The following KCNQ5 variants were observed in gnomAD, a reference collection of about 807,000 sequenced individuals.
The protein encoded by KCNQ5 is potassium voltage-gated channel subfamily Q member 5, also known as potassium voltage-gated channel subfamily KQT member 5.
KCNQ5 carries 30 observed loss-of-function variants against 98.2 expected under a neutral mutation model. The observed-to-expected ratio is 0.31, with a 90% confidence interval of 0.23 to 0.41. The LOEUF is 0.41. KCNQ5 is among the 10% of genes least tolerant of loss of function. The pLI is 1.00. For missense variants in KCNQ5, 835 were observed against 1,182.5 expected (o/e 0.71, Z 4.31); for synonymous variants, 458 against 449.4 (o/e 1.02, Z -0.24).
intron 1 of KCNQ5, among the ~76,000 whole-genome samples, chr6:72,951,137 G>A (rs1766782210): frequency 6.6e-6 from 1 of 152,082 alleles, no homozygotes; most frequent in Admixed American, 6.5e-5. Context: ...AACAAGTGTG[G>A]ATATTGTCCC....
intron 1 of KCNQ5, among the ~76,000 whole-genome samples, chr6:72,658,314 T>G (rs1439191171): frequency 1.3e-5 from 2 of 151,690 alleles, no homozygotes; most frequent in Non-Finnish European, 2.9e-5. Flanking sequence ...GGGGTCTTGC[T>G]CTGTCACCCA....
rs560127055 is a variant in KCNQ5 at position 73,101,321 on chromosome 6, A to T, written c.919-3936A>T. 2.8e-4 allele frequency among the ~76,000 whole-genome samples: 43 copies of T among 152,276 alleles called. 1 individual carries two copies. Among genetic ancestry groups the T allele is most frequent in the African/African-American group, 9.9e-4 (41 of 41,576 alleles). On this transcript the variant is annotated intron_variant, in intron 5 of 13. Transcript: ENST00000370398. ...AAGTGAGATTTATCTCAGGGATGCA[A>T]GGATGGTTCCTCCTATATTTAGAAC... is the stretch of plus-strand genomic sequence containing the variant.
Position 73,194,521 on chromosome 6 carries a change from G to C in KCNQ5, c.1906G>C (p.Ala636Pro), listed in dbSNP as rs774223061. The C allele has an allele frequency of 5.0e-5, 80 of 1,614,088 alleles. No homozygotes were observed. Among genetic ancestry groups the C allele is most frequent in the Non-Finnish European group, 6.7e-5 (79 of 1,180,042 alleles). The part of the protein sequence containing the change: ...IYQQVLRKGS[A>P]SALALASFQI... Reference sequence around the variant, plus strand: ...TCAACAGGTCCTTCGGAAAGGCTCTGCCTCAGCCCTCGCTTTGGCTTCATT... The same window carrying C: ...TCAACAGGTCCTTCGGAAAGGCTCTCCCTCAGCCCTCGCTTTGGCTTCATT... The change falls in exon 14 of 14, where the codon GCC becomes CCC. Residue 636 changes from alanine (A) to proline (P), a missense_variant. This residue lies in a region of KCNQ5 where 416 missense variants were observed against 446.9 expected (regional missense o/e 0.93). Transcript: ENST00000370398.
At chr6:73,104,413 C>A (rs1370426691) in intron 5 of KCNQ5, among the ~76,000 whole-genome samples, 1 of 152,140 alleles carries the variant, frequency 6.6e-6, no homozygotes, top group African/African-American at 2.4e-5. Flanking sequence ...GACCTGTACA[C>A]AGTAGTCTAT....
chr6:72,888,930 C>G (rs1778952943), intron 1 of KCNQ5, among the ~76,000 whole-genome samples: 1 of 152,100 alleles, frequency 6.6e-6, no homozygotes, highest in South Asian at 2.1e-4. Context: ...AGCCCACAGT[C>G]TGTATGTACA....
chr6:72,913,211 A>C (rs774667937), intron 1 of KCNQ5, among the ~76,000 whole-genome samples: 5 of 152,158 alleles, frequency 3.3e-5, no homozygotes, highest in Non-Finnish European at 5.9e-5. Flanking sequence ...TTTCACCACA[A>C]GTAGATTTCA....
intron 1 of KCNQ5, among the ~76,000 whole-genome samples, chr6:72,855,709 A>G (rs1777504154): frequency 6.6e-6 from 1 of 152,216 alleles, no homozygotes; most frequent in Non-Finnish European, 1.5e-5. Context: ...TAAATGGTCT[A>G]TGAGTCAGAA....
chr6:72,681,288 CAAT>C (rs1194579798), intron 1 of KCNQ5, among the ~76,000 whole-genome samples: 2 of 152,180 alleles, frequency 1.3e-5, no homozygotes, highest in African/African-American at 4.8e-5. Context: ...ATAACAATAA[CAAT>C]GATGATAAGA....
At chr6:73,117,772 A>G (rs1775567662) in intron 7 of KCNQ5, among the ~76,000 whole-genome samples, 1 of 152,248 alleles carries the variant, frequency 6.6e-6, no homozygotes, top group Admixed American at 6.5e-5. Context: ...CTACTACAGA[A>G]GAAGCTGCAA....
chr6:72,945,981 G>C (rs1020396310), intron 1 of KCNQ5, among the ~76,000 whole-genome samples: 1 of 152,042 alleles, frequency 6.6e-6, no homozygotes, highest in Non-Finnish European at 1.5e-5. Flanking sequence ...ACAGAGATTC[G>C]GGAGAGCCAT....
rs1765740572 is a variant in KCNQ5 at position 73,195,117 on chromosome 6, C to A, written c.2502C>A (p.Asn834Lys). ...TGGGCAAATCTTTGTCTGTGCAAAA[C>A]CTGATCAGGTCGACCGAGGAACTGA... ...KDLGKSLSVQ[N>K]LIRSTEELNI... Residue 834 changes from asparagine to lysine, a missense_variant, in exon 14 of 14, where the codon AAC (asparagine) becomes AAA (lysine). Asn to Lys is a moderately conservative substitution (Grantham distance 94). This residue lies in a region of KCNQ5 where 416 missense variants were observed against 446.9 expected (regional missense o/e 0.93). Transcript: ENST00000370398. The A allele has an allele frequency of 6.2e-7, 1 of 1,614,070 alleles. No individual in the cohort carries two copies. Among genetic ancestry groups the A allele is most frequent in the South Asian group, 1.1e-5 (1 of 91,086 alleles).
chr6:72,716,361 C>T (rs1769645830), intron 1 of KCNQ5, among the ~76,000 whole-genome samples: 1 of 152,202 alleles, frequency 6.6e-6, no homozygotes, highest in Non-Finnish European at 1.5e-5. Flanking sequence ...TTTTTATCTG[C>T]TTCCTTATAA....
chr6:72,691,491 A>G (rs932005266), intron 1 of KCNQ5, among the ~76,000 whole-genome samples: 2 of 152,230 alleles, frequency 1.3e-5, no homozygotes, highest in Non-Finnish European at 2.9e-5. Context: ...TGCTAAGGGC[A>G]ACTGGTACTG....
chr6:72,635,035 T>G (rs991578184), intron 1 of KCNQ5, among the ~76,000 whole-genome samples: 6 of 120,820 alleles, frequency 5.0e-5, no homozygotes, highest in African/African-American at 1.6e-4. Context: ...CCCCTCACCC[T>G]TTTTTTTTTT....
At chr6:72,734,451 A>T (rs1770718957) in intron 1 of KCNQ5, among the ~76,000 whole-genome samples, 1 of 152,032 alleles carries the variant, frequency 6.6e-6, no homozygotes, top group South Asian at 2.1e-4. Flanking sequence ...CCTCCCGAGT[A>T]GCTGGGACTA....
intron 10 of KCNQ5, among the ~76,000 whole-genome samples, chr6:73,163,680 G>A (rs1336886384): frequency 1.3e-5 from 2 of 152,166 alleles, no homozygotes; most frequent in Non-Finnish European, 2.9e-5. Context: ...CCCGGGGGGC[G>A]GAGGTTGCAG....
At position 73,195,317 on chromosome 6, in the gene KCNQ5, ACT is replaced by A. The variant is rs779394238; in HGVS notation, c.2707_2708del (p.Leu903LysfsTer13). The A allele has an allele frequency of 2.5e-6, 4 of 1,613,862 alleles. No individual in the cohort carries two copies. The highest frequency in any genetic ancestry group is 4.5e-5 in the East Asian group (2 of 44,888). On this transcript the variant is annotated frameshift_variant, in exon 14 of 14. Coordinates refer to ENST00000370398, the MANE Select transcript of KCNQ5 (RefSeq NM_019842.4). LOFTEE classifies it high-confidence loss of function. Reference sequence around the variant, plus strand: ...GCCAGGGAAGCTGCCTTTGCATCAGACTCTCTAAGGACTGGAAGGTCACGATC... The same window carrying A: ...GCCAGGGAAGCTGCCTTTGCATCAGACTCTAAGGACTGGAAGGTCACGATC...
chr6:72,713,160 A>G (rs1277577573), intron 1 of KCNQ5, among the ~76,000 whole-genome samples: 1 of 152,188 alleles, frequency 6.6e-6, no homozygotes, highest in Non-Finnish European at 1.5e-5. Flanking sequence ...CACATTTGAA[A>G]TCCAAGCAAA....
chr6:73,094,354 A>T (rs6453628), intron 5 of KCNQ5, among the ~76,000 whole-genome samples: 1 of 152,116 alleles, frequency 6.6e-6, no homozygotes, highest in African/African-American at 2.4e-5. Flanking sequence ...TATCAATTCT[A>T]CAATTCTATA....
Sources: allele counts gnomAD v4.1 joint callset (sites outside exome capture counted in the v4.1 genomes callset), GRCh38; gene constraint gnomAD v4.1.1; regional missense constraint gnomAD v4.1.1; transcripts MANE v1.5; gene names NCBI Gene and HGNC (gene_info 2026-07-23, HGNC 2026-07-21).